PPP2R2B: variants seen among roughly 807,000 people sequenced by gnomAD.
PPP2R2B encodes the protein serine/threonine-protein phosphatase 2A 55 kDa regulatory subunit B beta isoform.
A neutral mutation model predicts 46.0 loss-of-function variants in PPP2R2B; 5 were observed. The ratio of observed to expected loss-of-function variants is 0.11; its 90% CI spans 0.06 to 0.23. The LOEUF is 0.23. PPP2R2B is among the 10% of genes least tolerant of loss of function. The pLI, the probability that PPP2R2B is intolerant of heterozygous loss-of-function variation, is 1.00. For synonymous variants in PPP2R2B, 215 were observed against 206.7 expected (o/e 1.04, Z -0.34); for missense variants, 367 against 575.0 (o/e 0.64, Z 3.70).
chr5:146,885,281 A>G (rs938439184), intron 1 of PPP2R2B, among the ~76,000 whole-genome samples: 12 of 152,208 alleles, frequency 7.9e-5, no homozygotes, highest in African/African-American at 2.7e-4. Context: ...GCGCCAACCC[A>G]TGATCTGTCT....
chr5:146,954,756 A>ATGTATGTGTGTG lies in PPP2R2B; in HGVS notation c.79+100908_79+100909insCACACACATACA, dbSNP rs1554079879. 1.0e-4 allele frequency among the ~76,000 whole-genome samples: 15 copies of ATGTATGTGTGTG among 146,750 alleles called. 1 individual carries two copies. In the South Asian group the frequency reaches 3.4e-3, roughly 33 times the overall value. ...TATACATATATGAATATGTGTATAT[A>ATGTATGTGTGTG]TGTGTGTGTGTGTGTGTGTGTGTGT... On this transcript the variant is annotated intron_variant, in intron 1 of 8. Coordinates refer to the PPP2R2B transcript ENST00000336640.
intron 1 of PPP2R2B, among the ~76,000 whole-genome samples, chr5:146,999,846 C>A (rs1343956348): frequency 6.6e-6 from 1 of 152,142 alleles, no homozygotes; most frequent in Non-Finnish European, 1.5e-5. Context: ...AGGCATTGGG[C>A]CAGACCAATG....
chr5:146,641,272 G>T (rs922569649), intron 6 of PPP2R2B, among the ~76,000 whole-genome samples: 3 of 152,138 alleles, frequency 2.0e-5, no homozygotes, highest in Non-Finnish European at 4.4e-5. Context: ...TTGAACCCAA[G>T]CTTGTCTGAC....
chr5:146,701,215 T>C (rs754805341), intron 2 of PPP2R2B, 73 bp from the exon 3 acceptor site: 1 of 1,267,916 alleles, frequency 7.9e-7, no homozygotes, highest in Non-Finnish European at 1.2e-6. Context: ...TAGATATACT[T>C]TTCTGTGCAT....
At chr5:146,672,946 T>C (rs1777468267) in intron 5 of PPP2R2B, among the ~76,000 whole-genome samples, 1 of 152,168 alleles carries the variant, frequency 6.6e-6, no homozygotes, top group African/African-American at 2.4e-5. Context: ...ACACCAAATA[T>C]AGGGAGGCAT....
chr5:146,629,530 C>T (rs1009692632), intron 7 of PPP2R2B, among the ~76,000 whole-genome samples: 40 of 152,168 alleles, frequency 2.6e-4, no homozygotes, highest in African/African-American at 9.4e-4. Flanking sequence ...CTTTCCAGGC[C>T]TGGCACCCCT....
At chr5:147,078,716 G>A (rs1299247286) in intron 2 of PPP2R2B, among the ~76,000 whole-genome samples, 2 of 151,714 alleles carry the variant, frequency 1.3e-5, no homozygotes, top group Non-Finnish European at 2.9e-5. Context: ...GCTGAGGCAG[G>A]AGAATGGCGT....
At chr5:146,776,068 T>C (rs924604457) in intron 2 of PPP2R2B, among the ~76,000 whole-genome samples, 3 of 152,096 alleles carry the variant, frequency 2.0e-5, no homozygotes, top group Non-Finnish European at 4.4e-5. Context: ...GGTATATCTG[T>C]TCAAAGTGAC....
At chr5:146,972,483 G>A (rs1028080383) in intron 1 of PPP2R2B, among the ~76,000 whole-genome samples, 4 of 151,992 alleles carry the variant, frequency 2.6e-5, no homozygotes, top group Admixed American at 6.6e-5. Context: ...AGGCTGAGGC[G>A]GGTGGATCAC....
At chr5:147,018,074 CACACACTT>C (rs1755098196) in intron 1 of PPP2R2B, among the ~76,000 whole-genome samples, 1 of 151,238 alleles carries the variant, frequency 6.6e-6, no homozygotes, top group Non-Finnish European at 1.5e-5. Flanking sequence ...CACACACACA[CACACACTT>C]AGAAGCGTTA....
At chr5:146,603,488 T>G (rs534885261) in intron 7 of PPP2R2B, among the ~76,000 whole-genome samples, 5 of 152,306 alleles carry the variant, frequency 3.3e-5, no homozygotes, top group Non-Finnish European at 5.9e-5. Context: ...GGATGTGAAA[T>G]GAAAGATGAC....
intron 1 of PPP2R2B, among the ~76,000 whole-genome samples, chr5:146,884,968 G>T (rs1762274973): frequency 6.6e-6 from 1 of 152,044 alleles, no homozygotes; most frequent in Non-Finnish European, 1.5e-5. Flanking sequence ...CAAAAATTTA[G>T]CCATAAAATT....
intron 1 of PPP2R2B, among the ~76,000 whole-genome samples, chr5:147,041,564 TTTTAAC>T (rs1756302079): frequency 6.6e-6 from 1 of 151,858 alleles, no homozygotes; most frequent in African/African-American, 2.4e-5. Context: ...GCCATTTTTT[TTTTAAC>T]TTTGTCATCC....
intron 2 of PPP2R2B, among the ~76,000 whole-genome samples, chr5:146,716,775 G>T (rs1780523726): frequency 2.0e-5 from 3 of 152,214 alleles, no homozygotes; most frequent in Admixed American, 2.0e-4. Context: ...AGTAAGGACA[G>T]TTTACATTTA....
intron 2 of PPP2R2B, among the ~76,000 whole-genome samples, chr5:146,776,207 A>C (rs1003905472): frequency 2.6e-5 from 4 of 152,126 alleles, no homozygotes; most frequent in Non-Finnish European, 5.9e-5. Context: ...CATCTTGAAA[A>C]AGAATAAAGT....
At chr5:146,791,794 C>T (rs533991018) in intron 2 of PPP2R2B, among the ~76,000 whole-genome samples, 2 of 152,172 alleles carry the variant, frequency 1.3e-5, no homozygotes, top group South Asian at 4.2e-4. Flanking sequence ...TATACCAGAC[C>T]ACTGGCTGTC....
intron 7 of PPP2R2B, chr5:146,616,849 TC>T (rs1773215345): frequency 1.3e-5 from 2 of 152,192 alleles, no homozygotes; most frequent in African/African-American, 4.8e-5. Flanking sequence ...TACTATATGA[TC>T]CAGCAATCCC....
In PPP2R2B at chr5:147,044,131, G is replaced by A. The variant is rs114540231; in HGVS notation, c.79+11534C>T. 3.7e-3 allele frequency among the ~76,000 whole-genome samples: 570 copies of A among 152,198 alleles called. 4 individuals are homozygous for A. The highest frequency in any genetic ancestry group is 0.01 in the Middle Eastern group (3 of 294). ...CTGAAGTCACAGGGCCCTGCTTGAA[G>A]GAATTTGAAATCTTTAGGCTGTACA... is the stretch of plus-strand genomic sequence containing the variant. On this transcript the variant is annotated intron_variant, in intron 1 of 8. Coordinates refer to the PPP2R2B transcript ENST00000336640.
intron 2 of PPP2R2B, among the ~76,000 whole-genome samples, chr5:146,790,036 C>T (rs1442003875): frequency 1.3e-5 from 2 of 152,028 alleles, no homozygotes; most frequent in African/African-American, 4.8e-5. Context: ...CTTGACATGC[C>T]CCATCTCTGG....
Sources: gnomAD v4.1 joint callset for allele counts (sites outside exome capture counted in the v4.1 genomes callset) on GRCh38, gnomAD v4.1.1 for gene constraint, MANE v1.5 for transcripts, NCBI Gene and HGNC (gene_info 2026-07-23, HGNC 2026-07-21) for gene names.